The following TDRD3 variants were observed in gnomAD, a reference collection of about 807,000 sequenced individuals.
The protein encoded by TDRD3 is tudor domain-containing protein 3.
In TDRD3, 45 loss-of-function variants were observed where a neutral mutation model predicts 86.7. The observed-to-expected ratio is 0.52, with a 90% CI of 0.41 to 0.67. The LOEUF (loss-of-function observed/expected upper bound fraction) is 0.67. Among genes scored for constraint, TDRD3 ranks in the 30% least tolerant of loss-of-function variants. The pLI, the probability that TDRD3 is intolerant of heterozygous loss-of-function variation, is 0.00. For synonymous variants in TDRD3, 298 were observed against 301.7 expected (o/e 0.99, Z 0.13); for missense variants, 814 against 889.0 (o/e 0.92, Z 1.07).
In TDRD3 at chr13:60,397,371, C is replaced by T; in HGVS notation, c.7C>T (p.Gln3Ter). 6.7e-7 allele frequency: 1 copy of T among 1,491,866 alleles called. No individual in the cohort carries two copies. Among genetic ancestry groups the T allele is most frequent in the South Asian group, 1.3e-5 (1 of 79,280 alleles). The allele number at this position is 1,491,866 out of a possible 1,614,324, so 92.4% of individuals were successfully genotyped here. A position where few individuals can be genotyped will look rare whatever the true frequency, so the allele number is the denominator to read the frequency against. The change falls in exon 1 of 14, where the codon CAG becomes TAG. Residue 3 changes from glutamine to a stop codon, truncating the protein, a stop_gained. Coordinates refer to ENST00000377881, the MANE Select transcript of TDRD3 (RefSeq NM_001146070.2). LOFTEE classifies it high-confidence loss of function. MA[Q>*]VAGAALSQAG... is the part of the protein sequence containing the mutation. ...CCCGGCCTAAGCAGCTACCATGGCC[C>T]AGGTGGCCGGCGCGGCGTTGTCCCA... is the stretch of plus-strand genomic sequence containing the variant.
chr13:60,505,374 C>T (rs1956914444), intron 8 of TDRD3, among the ~76,000 whole-genome samples: 1 of 152,306 alleles, frequency 6.6e-6, no homozygotes, highest in African/African-American at 2.4e-5. Flanking sequence ...CTGCTGTAGC[C>T]AGACTGCGTC....
At chr13:60,568,159 C>G (rs754652932) in intron 13 of TDRD3, among the ~76,000 whole-genome samples, 17 of 152,168 alleles carry the variant, frequency 1.1e-4, no homozygotes, top group Non-Finnish European at 2.1e-4. Context: ...AAAATTAGTT[C>G]TGCCATCCTA....
intron 10 of TDRD3, among the ~76,000 whole-genome samples, chr13:60,511,166 G>T (rs1319637836): frequency 6.6e-6 from 1 of 152,034 alleles, no homozygotes; most frequent in African/African-American, 2.4e-5. Context: ...TCACAATGTG[G>T]TATATTTTTT....
intron 2 of TDRD3, among the ~76,000 whole-genome samples, chr13:60,443,042 A>C (rs1955317162): frequency 6.6e-6 from 1 of 151,986 alleles, no homozygotes; most frequent in Non-Finnish European, 1.5e-5. Context: ...GGTGACTTCA[A>C]AATAATGTAA....
intron 5 of TDRD3, among the ~76,000 whole-genome samples, chr13:60,483,386 A>T (rs2137499749): frequency 6.6e-6 from 1 of 152,244 alleles, no homozygotes; most frequent in African/African-American, 2.4e-5. Context: ...TTGGTGTCTA[A>T]AAAATTTATT....
At chr13:60,498,658 AAGGGG>A (rs1160680355) in intron 8 of TDRD3, among the ~76,000 whole-genome samples, 1 of 152,120 alleles carries the variant, frequency 6.6e-6, no homozygotes, top group Non-Finnish European at 1.5e-5. Flanking sequence ...CCCTTGAATG[AAGGGG>A]AGGCTGGGTC....
At chr13:60,433,955 T>C (rs1164868202) in intron 1 of TDRD3, 2 of 152,220 alleles carry the variant, frequency 1.3e-5, no homozygotes, top group African/African-American at 4.8e-5. Context: ...GGAGATCTAC[T>C]ATCTGGAACA....
At position 60,509,897 on chromosome 13, in the gene TDRD3, T is replaced by G. The variant is rs746467246; in HGVS notation, c.993T>G (p.Pro331=). Residue 331 remains proline (P), a synonymous_variant, in exon 9 of 14, where the codon CCT becomes CCG. Coordinates refer to ENST00000377881, the MANE Select transcript of TDRD3 (RefSeq NM_001146070.2). ...NVLLTSNKQK[P]VMGPPLRGRG... ...TTCTTACAAGCAATAAACAGAAACC[T>G]GTTATGGGTCCTCCTCTGAGAGGTA... 1.2e-6 allele frequency: 2 copies of G among 1,613,492 alleles called. No homozygotes were observed. Among genetic ancestry groups the G allele is most frequent in the Admixed American group, 3.3e-5 (2 of 59,984 alleles).
chr13:60,484,253 C>T (rs1029298855), intron 6 of TDRD3, among the ~76,000 whole-genome samples: 8 of 152,016 alleles, frequency 5.3e-5, no homozygotes, highest in Non-Finnish European at 8.8e-5. Flanking sequence ...TGAAGCAGCC[C>T]CCCTTCTGAC....
At chr13:60,529,741 G>A (rs939416534) in intron 11 of TDRD3, among the ~76,000 whole-genome samples, 4 of 151,970 alleles carry the variant, frequency 2.6e-5, no homozygotes, top group African/African-American at 9.7e-5. Context: ...CTAAGATCGA[G>A]TGTAAAAATT....
intron 4 of TDRD3, chr13:60,460,802 C>T (rs1955786081): frequency 4.5e-6 from 1 of 223,852 alleles, no homozygotes; most frequent in Non-Finnish European, 8.6e-6. Flanking sequence ...GTCAGGAGTT[C>T]AAGACCAGCC....
chr13:60,506,726 C>T (rs370643866), intron 8 of TDRD3, among the ~76,000 whole-genome samples: 48 of 152,198 alleles, frequency 3.2e-4, no homozygotes, highest in African/African-American at 1.1e-3. Context: ...TACGGCACTC[C>T]AGCCTGGGTG....
chr13:60,477,360 G>A (rs1458168271), intron 5 of TDRD3, among the ~76,000 whole-genome samples: 1 of 151,870 alleles, frequency 6.6e-6, no homozygotes. Context: ...CACTACAGGT[G>A]CACACCACCA....
intron 4 of TDRD3, among the ~76,000 whole-genome samples, chr13:60,463,275 T>C (rs1429730094): frequency 1.4e-5 from 2 of 146,112 alleles, no homozygotes; most frequent in Admixed American, 7.1e-5. Flanking sequence ...AGCAGGAGAA[T>C]CACTTGAACC....
chr13:60,411,655 G>T lies in TDRD3; in HGVS notation c.41+14250G>T, dbSNP rs541075656. ...AAATAGTTAGACAGTTCTGCTTTGT[G>T]CTGTCATTTAAGGACCCAGGTTCCT... On this transcript the variant is annotated intron_variant, in intron 1 of 13. Transcript: ENST00000377881. 2.7e-4 allele frequency among the ~76,000 whole-genome samples: 41 copies of T among 151,932 alleles called. 1 individual carries two copies. In the South Asian group the frequency reaches 8.3e-3, roughly 31 times the overall value.
chr13:60,444,042 A>G (rs1955343457), intron 2 of TDRD3, among the ~76,000 whole-genome samples: 1 of 151,920 alleles, frequency 6.6e-6, no homozygotes, highest in Non-Finnish European at 1.5e-5. Context: ...TGAATGCTAT[A>G]GCCTTGTTTT....
chr13:60,483,826 C>A lies in TDRD3; in HGVS notation c.547C>A (p.Pro183Thr). The A allele has an allele frequency of 6.2e-7, 1 of 1,613,114 alleles. No individual in the cohort carries two copies. Among genetic ancestry groups the A allele is most frequent in the South Asian group, 1.1e-5 (1 of 90,960 alleles). Residue 183 changes from proline to threonine, a missense_variant, in exon 6 of 14, where the codon CCT becomes ACT. Transcript: ENST00000377881. ...SNIGTEGGPP[P>T]FVPFGQKCVS... ...TATTGGAACTGAAGGTGGACCACCG[C>A]CTTTTGTGCCTTTTGGACAGGTAAT...
At chr13:60,414,343 C>T (rs930798281) in intron 1 of TDRD3, among the ~76,000 whole-genome samples, 1 of 152,098 alleles carries the variant, frequency 6.6e-6, no homozygotes, top group African/African-American at 2.4e-5. Context: ...AGAACACAGC[C>T]AGAACCACTC....
At chr13:60,502,186 C>T (rs1024656772) in intron 8 of TDRD3, among the ~76,000 whole-genome samples, 3 of 152,292 alleles carry the variant, frequency 2.0e-5, no homozygotes, top group African/African-American at 7.2e-5. Flanking sequence ...ACTTTCATTA[C>T]CTGACAGAAT....
Sources: gnomAD v4.1 joint callset for allele counts (sites outside exome capture counted in the v4.1 genomes callset) on GRCh38, gnomAD v4.1.1 for gene constraint, MANE v1.5 for transcripts, NCBI Gene and HGNC (gene_info 2026-07-23, HGNC 2026-07-21) for gene names.